The following PDCD10 variants were observed in gnomAD, a reference collection of about 807,000 sequenced individuals.
The protein encoded by PDCD10 is programmed cell death protein 10.
PDCD10 carries 4 observed loss-of-function variants against 29.2 expected under a neutral mutation model. That is an observed-to-expected ratio of 0.14 (90% CI 0.07 to 0.31). The LOEUF (loss-of-function observed/expected upper bound fraction) is 0.31, where lower values mean the gene tolerates loss of function less well. Ranked by LOEUF, PDCD10 falls within the 10% of genes least tolerant of loss-of-function variation. PDCD10 has a pLI of 1.00. For missense variants in PDCD10, 183 were observed against 257.9 expected, an observed-to-expected ratio of 0.71 and a Z score of 1.99; for synonymous variants, 70 against 82.2, an observed-to-expected ratio of 0.85 and a Z score of 0.80.
rs761929200 is a variant in PDCD10 at position 167,687,245 on chromosome 3, A to C, written c.546T>G (p.Phe182Leu). The C allele has an allele frequency of 6.6e-7, 1 of 1,526,266 alleles. No homozygotes were observed. The highest frequency in any genetic ancestry group is 1.7e-5 in the Admixed American group (1 of 59,820). 94.5% of individuals were successfully genotyped at this position (1,526,266 alleles called of 1,614,324 possible). The change falls in exon 8 of 9, where the codon TTT becomes TTG. Residue 182 changes from phenylalanine to leucine, a missense_variant. By Grantham distance (22) the Phe-to-Leu change is conservative. Transcript: ENST00000392750. ...KSFSDTLKTY[F>L]KDGKAINVFV... is the part of the protein sequence containing the mutation. ...ATTACAGTACTTACTTGCCATCTTT[A>C]AAATACGTTTTCAGAGTATCACTGA...
chr3:167,684,485 A>AG, intron 8 of PDCD10, 96 bp from the exon 9 acceptor site: 14 of 442,310 alleles, frequency 3.2e-5, no homozygotes, highest in Middle Eastern at 5.9e-4. Flanking sequence ...TCAATTTTAG[A>AG]AAAAAAAAAA....
intron 3 of PDCD10, among the ~76,000 whole-genome samples, chr3:167,716,417 A>G (rs866674976): frequency 2.0e-5 from 3 of 152,070 alleles, no homozygotes; most frequent in Middle Eastern, 6.8e-3. Context: ...GTATAACTGG[A>G]TGGTTTGTTA....
chr3:167,722,700 G>T (rs946142567), intron 2 of PDCD10, among the ~76,000 whole-genome samples: 1 of 152,116 alleles, frequency 6.6e-6, no homozygotes, highest in Non-Finnish European at 1.5e-5. Context: ...AATTACTCTT[G>T]TGTTTCACTC....
At position 167,687,713 on chromosome 3, in the gene PDCD10, G is replaced by A. The variant is rs1719766691; in HGVS notation, c.396-20C>T. On this transcript the variant is annotated intron_variant, in intron 6 of 8. Coordinates refer to ENST00000392750, the MANE Select transcript of PDCD10 (RefSeq NM_007217.4). ...ATATCCCTGTTGGGAAAAGAATAAA[G>A]AATATCAGCTACATTTGAAAGAAAT... 1 of 1,285,336 alleles carries A rather than the reference G, an allele frequency of 7.8e-7. No individual in the cohort carries two copies. The highest frequency in any genetic ancestry group is 1.2e-5 in the South Asian group (1 of 84,272). 79.6% of individuals were successfully genotyped at this position (1,285,336 alleles called of 1,614,324 possible). A position where few individuals can be genotyped will look rare whatever the true frequency, so the allele number is the denominator to read the frequency against.
At chr3:167,685,523 A>T (rs1719525973) in intron 8 of PDCD10, among the ~76,000 whole-genome samples, 1 of 152,182 alleles carries the variant, frequency 6.6e-6, no homozygotes, top group South Asian at 2.1e-4. Flanking sequence ...TTTTGAGGAA[A>T]CAGGTATAAA....
intron 4 of PDCD10, among the ~76,000 whole-genome samples, chr3:167,701,027 T>C (rs1032201885): frequency 1.3e-5 from 2 of 152,164 alleles, no homozygotes; most frequent in African/African-American, 4.8e-5. Flanking sequence ...GTCTGGTTTA[T>C]GATCAGGACT....
At chr3:167,692,408 C>T (rs1365978556) in intron 6 of PDCD10, among the ~76,000 whole-genome samples, 1 of 152,172 alleles carries the variant, frequency 6.6e-6, no homozygotes, top group East Asian at 1.9e-4. Context: ...ACCCATCCAT[C>T]ACATGAGGTC....
At chr3:167,726,114 G>GTTTT (rs751342370) in intron 2 of PDCD10, among the ~76,000 whole-genome samples, 31 of 85,766 alleles carry the variant, frequency 3.6e-4, no homozygotes, top group Non-Finnish European at 5.0e-4. Flanking sequence ...GTAGAGTACT[G>GTTTT]TTTTTTTTTT....
In PDCD10 at chr3:167,713,707, G is replaced by A. The variant is rs1476326154; in HGVS notation, c.96+6355C>T. Among the ~76,000 whole-genome samples, 5 of 151,860 alleles carry A rather than the reference G, an allele frequency of 3.3e-5. No individual in the cohort carries two copies. In the South Asian group the frequency reaches 8.3e-4, roughly 25 times the overall value. On this transcript the variant is annotated intron_variant, in intron 3 of 8. Coordinates refer to ENST00000392750, the MANE Select transcript of PDCD10 (RefSeq NM_007217.4). ...GACCCAAATAAATAAAATCAGAGAC[G>A]AAAAGGTAGCCATTACAAACTGATA...
chr3:167,703,794 TA>T lies in PDCD10; in HGVS notation c.150+1047del, dbSNP rs1360771656. ...CAGCAACAACTATGAGCTACCTATGTAATATTAAGCGGCCACATTTAAAAAA... is the reference window on the plus strand; with the variant it reads ...CAGCAACAACTATGAGCTACCTATGTATATTAAGCGGCCACATTTAAAAAA... On this transcript the variant is annotated intron_variant, in intron 4 of 8. Transcript: ENST00000392750. 7.2e-5 allele frequency among the ~76,000 whole-genome samples: 11 copies of T among 152,324 alleles called. No homozygotes were observed. The East Asian group carries it at 2.1e-3, about 29-fold the overall frequency.
At chr3:167,725,021 C>T (rs992563485) in intron 2 of PDCD10, among the ~76,000 whole-genome samples, 12 of 152,110 alleles carry the variant, frequency 7.9e-5, no homozygotes, top group Non-Finnish European at 1.5e-4. Flanking sequence ...CTTTGGGAGG[C>T]CAAGGCAGGT....
intron 4 of PDCD10, among the ~76,000 whole-genome samples, chr3:167,701,063 C>T (rs554348720): frequency 5.6e-4 from 85 of 152,040 alleles, no homozygotes; most frequent in Non-Finnish European, 1.1e-3. Flanking sequence ...GCTGCTAAAC[C>T]CTCAAGCCTT....
At chr3:167,712,655 C>G (rs1036955854) in intron 3 of PDCD10, among the ~76,000 whole-genome samples, 3 of 151,810 alleles carry the variant, frequency 2.0e-5, no homozygotes, top group South Asian at 4.2e-4. Flanking sequence ...CTAAACTAGT[C>G]AAAAGAAAAA....
chr3:167,692,779 A>C (rs999445842), intron 6 of PDCD10, among the ~76,000 whole-genome samples: 1 of 152,178 alleles, frequency 6.6e-6, no homozygotes, highest in African/African-American at 2.4e-5. Flanking sequence ...TTAGCCAGGC[A>C]TGGTGGCGGG....
intron 6 of PDCD10, among the ~76,000 whole-genome samples, chr3:167,690,013 C>CA (rs1162819666): frequency 6.6e-6 from 1 of 151,832 alleles, no homozygotes; most frequent in East Asian, 1.9e-4. Context: ...AATACCAGGA[C>CA]AAAAAAACCA....
At chr3:167,710,124 A>G (rs186954072) in intron 3 of PDCD10, among the ~76,000 whole-genome samples, 11 of 152,270 alleles carry the variant, frequency 7.2e-5, no homozygotes, top group Middle Eastern at 6.8e-3. Context: ...AGATTCAGAC[A>G]TGCTGGTTTC....
At chr3:167,686,419 G>C (rs1159013896) in intron 8 of PDCD10, among the ~76,000 whole-genome samples, 6 of 152,038 alleles carry the variant, frequency 3.9e-5, no homozygotes, top group Non-Finnish European at 8.8e-5. Flanking sequence ...AAAACATCTG[G>C]GGCACTTTTA....
intron 4 of PDCD10, among the ~76,000 whole-genome samples, chr3:167,703,608 T>C (rs536231359): frequency 4.6e-5 from 7 of 152,288 alleles, no homozygotes; most frequent in African/African-American, 1.7e-4. Flanking sequence ...CACAGGTTAT[T>C]TGAGCTACTG....
intron 4 of PDCD10, among the ~76,000 whole-genome samples, chr3:167,698,341 T>G (rs747283963): frequency 1.3e-5 from 2 of 152,214 alleles, no homozygotes; most frequent in African/African-American, 2.4e-5. Flanking sequence ...ACAGCCTATG[T>G]TGACTTTTCC....
Sources: allele counts gnomAD v4.1 joint callset (sites outside exome capture counted in the v4.1 genomes callset), GRCh38; gene constraint gnomAD v4.1.1; transcripts MANE v1.5; gene names NCBI Gene and HGNC (gene_info 2026-07-23, HGNC 2026-07-21).